The following TMEM131 variants were observed in gnomAD, a reference collection of about 807,000 sequenced individuals.
TMEM131 encodes transmembrane protein 131, also known as 2610524E03Rik.
TMEM131 carries 66 observed loss-of-function variants against 211.6 expected under a neutral mutation model. That is an observed-to-expected ratio of 0.31 (90% CI 0.26 to 0.38). The LOEUF (loss-of-function observed/expected upper bound fraction) is 0.38. TMEM131 is among the 10% of genes least tolerant of loss of function. TMEM131 has a pLI of 1.00. For synonymous variants in TMEM131, 844 were observed against 841.3 expected (o/e 1.00, Z -0.06); for missense variants, 2,036 against 2,299.3 (o/e 0.89, Z 2.34).
intron 1 of TMEM131, among the ~76,000 whole-genome samples, chr2:97,930,665 A>T (rs1167745045): frequency 6.6e-6 from 1 of 151,764 alleles, no homozygotes; most frequent in Non-Finnish European, 1.5e-5. Flanking sequence ...AAAACAGAAC[A>T]CTAGATACAG....
intron 11 of TMEM131, among the ~76,000 whole-genome samples, chr2:97,822,224 CCAAT>C (rs199969079): frequency 0.028 from 4,232 of 152,264 alleles, 66 homozygotes; most frequent in Middle Eastern, 0.065. Context: ...CCTGGACTCA[CCAAT>C]CAAAGACATA....
At position 97,866,483 on chromosome 2, in the gene TMEM131, C is replaced by A. The variant is rs565060548; in HGVS notation, c.360-7056G>T. Among the ~76,000 whole-genome samples the A allele has an allele frequency of 4.2e-4, 64 of 152,266 alleles. No individual in the cohort carries two copies. In the South Asian group the frequency reaches 0.012, roughly 29 times the overall value. Reference sequence around the variant, plus strand: ...CAATTCGATCTTTTCAAAGAACCAACTTTTGGTTTTGTTGATTTTGTTATG... The same window carrying A: ...CAATTCGATCTTTTCAAAGAACCAAATTTTGGTTTTGTTGATTTTGTTATG... On this transcript the variant is annotated intron_variant, in intron 4 of 40. Transcript: ENST00000186436.
chr2:97,898,622 G>A (rs1159553763), intron 3 of TMEM131, among the ~76,000 whole-genome samples: 2 of 152,148 alleles, frequency 1.3e-5, no homozygotes, highest in Admixed American at 6.5e-5. Context: ...AAGTGACTAC[G>A]CTGACACCTG....
Position 97,756,871 on chromosome 2 carries a change from G to T in TMEM131, c.*228C>A. ...ACAGGTCTTATTAGAGTTTGTGGCT[G>T]AGTCCAGACTTTTCTCTAAAAGCAC... is the stretch of plus-strand genomic sequence containing the variant. On this transcript the variant is annotated 3_prime_UTR_variant, in exon 41 of 41. Coordinates refer to ENST00000186436, the MANE Select transcript of TMEM131 (RefSeq NM_015348.2). 2.2e-6 allele frequency: 1 copy of T among 449,478 alleles called. No homozygotes were observed. Among genetic ancestry groups the T allele is most frequent in the Non-Finnish European group, 3.8e-6 (1 of 261,574 alleles). The allele number at this position is 449,478 out of a possible 1,614,324, so 27.8% of individuals were successfully genotyped here.
At chr2:97,770,590 T>C (rs775954618) in intron 33 of TMEM131, among the ~76,000 whole-genome samples, 2 of 152,220 alleles carry the variant, frequency 1.3e-5, no homozygotes, top group African/African-American at 2.4e-5. Context: ...GCGACGTCTT[T>C]GACTAACTTT....
At chr2:97,898,688 A>G (rs1469646174) in intron 3 of TMEM131, among the ~76,000 whole-genome samples, 3 of 152,156 alleles carry the variant, frequency 2.0e-5, no homozygotes, top group African/African-American at 4.8e-5. Context: ...TGTTTAAGCC[A>G]CCCAGTTTAT....
chr2:97,788,935 T>A (rs1301993090), intron 31 of TMEM131, among the ~76,000 whole-genome samples: 4 of 152,232 alleles, frequency 2.6e-5, no homozygotes, highest in African/African-American at 4.8e-5. Flanking sequence ...CTATATTTTT[T>A]AAAAACCTAC....
intron 25 of TMEM131, among the ~76,000 whole-genome samples, chr2:97,800,729 C>T (rs1330600309): frequency 6.6e-6 from 1 of 151,850 alleles, no homozygotes; most frequent in Non-Finnish European, 1.5e-5. Flanking sequence ...TGCACTCCAG[C>T]CTGGGTGACA....
At chr2:97,957,873 A>G (rs1678642698) in intron 1 of TMEM131, among the ~76,000 whole-genome samples, 1 of 152,338 alleles carries the variant, frequency 6.6e-6, no homozygotes, top group South Asian at 2.1e-4. Flanking sequence ...GCTACTGCAC[A>G]TAACCACAGT....
At chr2:97,841,713 T>C in intron 7 of TMEM131, 102 bp downstream of exon 7, 2 of 1,320,440 alleles carry the variant, frequency 1.5e-6, no homozygotes, top group South Asian at 2.1e-5. Flanking sequence ...TAAAACCCTA[T>C]TATTTTAAAT....
chr2:97,760,532 G>T, intron 38 of TMEM131, 61 bp downstream of exon 38: 1 of 1,478,044 alleles, frequency 6.8e-7, no homozygotes, highest in South Asian at 1.2e-5. Flanking sequence ...TGGATAAAAA[G>T]GTGCTAACCC....
At chr2:97,979,097 A>C (rs1404287716) in intron 1 of TMEM131, among the ~76,000 whole-genome samples, 1 of 152,232 alleles carries the variant, frequency 6.6e-6, no homozygotes, top group Non-Finnish European at 1.5e-5. Flanking sequence ...ATATTTGGAA[A>C]GTAATATTTT....
chr2:97,810,562 T>C (rs1055651368), intron 18 of TMEM131, among the ~76,000 whole-genome samples: 4 of 152,240 alleles, frequency 2.6e-5, no homozygotes, highest in Non-Finnish European at 5.9e-5. Context: ...AGCTTTTAGA[T>C]ATACAATTAA....
chr2:97,792,949 C>T lies in TMEM131; in HGVS notation c.3581G>A (p.Arg1194Lys). The T allele has an allele frequency of 1.2e-6, 2 of 1,602,706 alleles. No individual in the cohort carries two copies. The highest frequency in any genetic ancestry group is 1.3e-5 in the African/African-American group (1 of 74,786). The change falls in exon 31 of 41, where the codon AGG (arginine) becomes AAG (lysine). Residue 1194 changes from arginine to lysine, a missense_variant. Transcript: ENST00000186436. ...TGAACCGCCTGCTCCACAGAACCCC[C>T]TACTGTGACCGGGGTCACAGCTGAG... is the stretch of plus-strand genomic sequence containing the variant. ...NTLSCDPGHS[R>K]GFCGAGGSSS...
intron 1 of TMEM131, among the ~76,000 whole-genome samples, chr2:97,929,946 TAAGTA>T (rs1179108307): frequency 6.6e-6 from 1 of 151,774 alleles, no homozygotes; most frequent in Non-Finnish European, 1.5e-5. Context: ...AGAATGTCTC[TAAGTA>T]AAGTGATAAA....
intron 31 of TMEM131, among the ~76,000 whole-genome samples, chr2:97,788,494 G>A (rs1680352321): frequency 6.6e-6 from 1 of 152,124 alleles, no homozygotes; most frequent in Admixed American, 6.5e-5. Context: ...CCCGTATCCT[G>A]CCTCTCCATC....
At chr2:97,829,385 G>A (rs1288553877) in intron 11 of TMEM131, among the ~76,000 whole-genome samples, 3 of 139,184 alleles carry the variant, frequency 2.2e-5, no homozygotes, top group Non-Finnish European at 3.4e-5. Context: ...CGGTAAAAAC[G>A]CACCAATCAG....
At position 97,757,388 on chromosome 2, in the gene TMEM131, G is replaced by T. The variant is rs368016281; in HGVS notation, c.5368-5C>A. Reference sequence around the variant, plus strand: ...GCTGGTGTTACCGAGGACCGACTGCGACAAAACAGAAAGCGTCCAGCACTG... The same window carrying T: ...GCTGGTGTTACCGAGGACCGACTGCTACAAAACAGAAAGCGTCCAGCACTG... On this transcript the variant is annotated splice_polypyrimidine_tract_variant and splice_region_variant and intron_variant, in intron 40 of 40. Transcript: ENST00000186436. 1 of 1,585,918 alleles carries T rather than the reference G, an allele frequency of 6.3e-7. No individual in the cohort carries two copies. The highest frequency in any genetic ancestry group is 1.3e-5 in the African/African-American group (1 of 74,392).
chr2:97,995,538 A>G lies in TMEM131; in HGVS notation c.125T>C (p.Leu42Pro), dbSNP rs949015898. 3.0e-6 allele frequency: 4 copies of G among 1,348,734 alleles called. No individual in the cohort carries two copies. The highest frequency in any genetic ancestry group is 1.9e-6 in the Non-Finnish European group (2 of 1,045,234). The allele number at this position is 1,348,734 out of a possible 1,614,324, so 83.5% of individuals were successfully genotyped here. The part of the protein sequence containing the change: ...SGGPRSAAAG[L>P]LGALHLVMTL... ...CATCACCAGGTGCAGCGCGCCTAGG[A>G]GGCCGGCGGCCGCGCTCCGCGGGCC... Residue 42 changes from leucine to proline, a missense_variant, in exon 1 of 41, where the codon CTC becomes CCC. Leu to Pro is a moderately conservative substitution (Grantham distance 98). Transcript: ENST00000186436.
Sources: gnomAD v4.1 joint callset for allele counts (sites outside exome capture counted in the v4.1 genomes callset) on GRCh38, gnomAD v4.1.1 for gene constraint, MANE v1.5 for transcripts, NCBI Gene and HGNC (gene_info 2026-07-23, HGNC 2026-07-21) for gene names.